LEPROT: variants seen among roughly 807,000 people sequenced by gnomAD.
The protein encoded by LEPROT is leptin receptor overlapping transcript.
LEPROT carries 3 observed loss-of-function variants against 15.4 expected under a neutral mutation model. The ratio of observed to expected loss-of-function variants is 0.19; its 90% CI spans 0.09 to 0.50. The LOEUF is 0.50. Among genes scored for constraint, LEPROT ranks in the 20% least tolerant of loss-of-function variants. The pLI is 0.97. For missense variants in LEPROT, 137 were observed against 162.2 expected (o/e 0.84, Z 0.84); for synonymous variants, 59 against 57.5 (o/e 1.03, Z -0.12).
At position 65,431,979 on chromosome 1, in the gene LEPROT, T is replaced by G; in HGVS notation, c.*60T>G. 6.5e-7 allele frequency: 1 copy of G among 1,528,728 alleles called. No individual in the cohort carries two copies. The highest frequency in any genetic ancestry group is 2.3e-5 in the East Asian group (1 of 42,806). 94.7% of individuals were successfully genotyped at this position (1,528,728 alleles called of 1,614,324 possible). ...AGAACTCATACTATCTGTATACATG[T>G]GCACATGCGGCATTTTACTATGAAA... On this transcript the variant is annotated 3_prime_UTR_variant, in exon 4 of 4. Transcript: ENST00000371065.
rs951983928 is a variant in LEPROT at position 65,433,047 on chromosome 1, A to T, written c.*1128A>T. The T allele has an allele frequency of 1.4e-5, 14 of 985,226 alleles. No individual in the cohort carries two copies. The African/African-American group carries it at 2.4e-4, about 17-fold the overall frequency. The allele number at this position is 985,226 out of a possible 1,614,324, so 61.0% of individuals were successfully genotyped here. ...ATGCTGGGGGAAGAGCTCCACTGAGATGCGGGCAGGGAGGCTGGGCTCGAG... is the reference window on the plus strand; with the variant it reads ...ATGCTGGGGGAAGAGCTCCACTGAGTTGCGGGCAGGGAGGCTGGGCTCGAG... On this transcript the variant is annotated 3_prime_UTR_variant, in exon 4 of 4. Coordinates refer to ENST00000371065, the MANE Select transcript of LEPROT (RefSeq NM_017526.5).
rs1390971943 is a variant in LEPROT, at chr1:65,435,006, C to T, written c.*3087C>T. ...GCCATTCCCATGACTGCTGCACCTG[C>T]GTTTTTAGAGAATGCCTCATAACCC... On this transcript the variant is annotated 3_prime_UTR_variant, in exon 4 of 4. Coordinates refer to ENST00000371065, the MANE Select transcript of LEPROT (RefSeq NM_017526.5). 5.2e-5 allele frequency: 51 copies of T among 985,406 alleles called. No individual in the cohort carries two copies. The East Asian group carries it at 4.7e-3, about 90-fold the overall frequency. 61.0% of individuals were successfully genotyped at this position (985,406 alleles called of 1,614,324 possible). A position where few individuals can be genotyped will look rare whatever the true frequency, so the allele number is the denominator to read the frequency against.
chr1:65,434,428 A>G lies in LEPROT; in HGVS notation c.*2509A>G. 2.0e-6 allele frequency: 2 copies of G among 985,428 alleles called. No individual in the cohort carries two copies. The highest frequency in any genetic ancestry group is 9.4e-5 in the South Asian group (2 of 21,286). 61.0% of individuals were successfully genotyped at this position (985,428 alleles called of 1,614,324 possible). A position where few individuals can be genotyped will look rare whatever the true frequency, so the allele number is the denominator to read the frequency against. Reference sequence around the variant, plus strand: ...TGGCCACAAGTAAATAATCTTATGAAGGGATTCTTTATCATGTTTCAAACA... The same window carrying G: ...TGGCCACAAGTAAATAATCTTATGAGGGGATTCTTTATCATGTTTCAAACA... On this transcript the variant is annotated 3_prime_UTR_variant, in exon 4 of 4. Coordinates refer to ENST00000371065, the MANE Select transcript of LEPROT (RefSeq NM_017526.5).
intron 2 of LEPROT, among the ~76,000 whole-genome samples, chr1:65,426,113 AG>A (rs1646358549): frequency 6.6e-6 from 1 of 152,180 alleles, no homozygotes; most frequent in East Asian, 1.9e-4. Flanking sequence ...GTGGTCAGGG[AG>A]GGCCTCTCAG....
Position 65,431,868 on chromosome 1 carries a change from G to T in LEPROT, c.345G>T (p.Gly115=). The T allele has an allele frequency of 6.2e-7, 1 of 1,614,142 alleles. No homozygotes were observed. The highest frequency in any genetic ancestry group is 1.1e-5 in the South Asian group (1 of 91,080). ...CAGTCATTTTCCTTACAATTCAAGG[G>T]TTTTTCCTTATATTTGGAAGAGGAG... The part of the protein sequence containing the change: ...GNAVIFLTIQ[G]FFLIFGRGDD... Residue 115 remains glycine (G), a synonymous_variant, in exon 4 of 4, where the codon GGG becomes GGT. Coordinates refer to ENST00000371065, the MANE Select transcript of LEPROT (RefSeq NM_017526.5).
intron 3 of LEPROT, among the ~76,000 whole-genome samples, chr1:65,431,197 T>TA (rs1378329857): frequency 2.0e-5 from 3 of 152,196 alleles, no homozygotes; most frequent in Non-Finnish European, 4.4e-5. Context: ...CTGCAGTAAA[T>TA]ATTTATATTT....
At position 65,435,366 on chromosome 1, in the gene LEPROT, CTTTTTTTTTTTTT is replaced by C. The variant is rs60757318; in HGVS notation, c.*3454_*3466del. On this transcript the variant is annotated 3_prime_UTR_variant, in exon 4 of 4. Transcript: ENST00000371065. ...TGTCACAAAATGTGCCTTTTCTTTT[CTTTTTTTTTTTTT>C]TTTTTTGAGGCAGAGTCTCGCTCTG... 8.0e-6 allele frequency: 5 copies of C among 628,802 alleles called. No individual in the cohort carries two copies. The highest frequency in any genetic ancestry group is 8.3e-5 in the Admixed American group (1 of 12,040). The allele number at this position is 628,802 out of a possible 1,614,324, so 39.0% of individuals were successfully genotyped here.
At position 65,435,294 on chromosome 1, in the gene LEPROT, A is replaced by G; in HGVS notation, c.*3375A>G. 2 of 984,724 alleles carry G rather than the reference A, an allele frequency of 2.0e-6. No individual in the cohort carries two copies. Among genetic ancestry groups the G allele is most frequent in the Non-Finnish European group, 1.2e-6 (1 of 829,666 alleles). 61.0% of individuals were successfully genotyped at this position (984,724 alleles called of 1,614,324 possible). A position where few individuals can be genotyped will look rare whatever the true frequency, so the allele number is the denominator to read the frequency against. On this transcript the variant is annotated 3_prime_UTR_variant, in exon 4 of 4. Coordinates refer to ENST00000371065, the MANE Select transcript of LEPROT (RefSeq NM_017526.5). Reference sequence around the variant, plus strand: ...ACTGTTTTCAAGGCTGAAATAGTTCATTATGTTAATAACCTTCTTTATGTT... The same window carrying G: ...ACTGTTTTCAAGGCTGAAATAGTTCGTTATGTTAATAACCTTCTTTATGTT...
Position 65,420,850 on chromosome 1 carries a change from C to A in LEPROT, c.16+110C>A, listed in dbSNP as rs1300668534. ...GCCGTTGGGGAACGGCCTCACCACCCTTCCCGCCTCTCCGGTTCGGGAGGC... is the reference window on the plus strand; with the variant it reads ...GCCGTTGGGGAACGGCCTCACCACCATTCCCGCCTCTCCGGTTCGGGAGGC... On this transcript the variant is annotated intron_variant, in intron 1 of 3. Transcript: ENST00000371065. The A allele has an allele frequency of 4.6e-6, 6 of 1,307,482 alleles. No homozygotes were observed. The African/African-American group carries it at 9.0e-5, about 20-fold the overall frequency. The allele number at this position is 1,307,482 out of a possible 1,614,324, so 81.0% of individuals were successfully genotyped here. A position where few individuals can be genotyped will look rare whatever the true frequency, so the allele number is the denominator to read the frequency against.
intron 2 of LEPROT, among the ~76,000 whole-genome samples, chr1:65,428,855 G>A (rs1374799538): frequency 1.3e-5 from 2 of 151,976 alleles, no homozygotes; most frequent in Non-Finnish European, 2.9e-5. Context: ...ATTGCAAAAT[G>A]TTGAAATTTG....
Position 65,435,280 on chromosome 1 carries a change from G to T in LEPROT, c.*3361G>T. On this transcript the variant is annotated 3_prime_UTR_variant, in exon 4 of 4. Coordinates refer to ENST00000371065, the MANE Select transcript of LEPROT (RefSeq NM_017526.5). Reference sequence around the variant, plus strand: ...TCTCCTCAATGAATACTGTTTTCAAGGCTGAAATAGTTCATTATGTTAATA... The same window carrying T: ...TCTCCTCAATGAATACTGTTTTCAATGCTGAAATAGTTCATTATGTTAATA... The T allele has an allele frequency of 1.0e-6, 1 of 984,964 alleles. No homozygotes were observed. Among genetic ancestry groups the T allele is most frequent in the Non-Finnish European group, 1.2e-6 (1 of 829,610 alleles). The allele number at this position is 984,964 out of a possible 1,614,324, so 61.0% of individuals were successfully genotyped here. A position where few individuals can be genotyped will look rare whatever the true frequency, so the allele number is the denominator to read the frequency against.
intron 2 of LEPROT, among the ~76,000 whole-genome samples, chr1:65,426,420 T>G (rs1014358016): frequency 1.3e-5 from 2 of 151,974 alleles, no homozygotes; most frequent in East Asian, 3.9e-4. Context: ...TGGGAAAATA[T>G]CTTGAGAATG....
At chr1:65,421,008 C>A (rs1646237154) in intron 1 of LEPROT, among the ~76,000 whole-genome samples, 1 of 152,170 alleles carries the variant, frequency 6.6e-6, no homozygotes, top group East Asian at 1.9e-4. Flanking sequence ...CCTGAGCCCT[C>A]GGCGAGAGCG....
intron 1 of LEPROT, among the ~76,000 whole-genome samples, chr1:65,424,418 AG>A (rs1489390917): frequency 1.3e-5 from 2 of 152,164 alleles, no homozygotes; most frequent in African/African-American, 4.8e-5. Flanking sequence ...TTGCCTTGGG[AG>A]GTAGTGAGTT....
At chr1:65,420,806 G>C in intron 1 of LEPROT, 66 bp downstream of exon 1, 1 of 1,537,110 alleles carries the variant, frequency 6.5e-7, no homozygotes, top group South Asian at 1.2e-5. Context: ...GGTCAAGCCT[G>C]GGGCTGCGCC....
Position 65,432,184 on chromosome 1 carries a change from A to G in LEPROT, c.*265A>G. 9.0e-7 allele frequency: 1 copy of G among 1,116,356 alleles called. No individual in the cohort carries two copies. Among genetic ancestry groups the G allele is most frequent in the Non-Finnish European group, 1.1e-6 (1 of 911,146 alleles). The allele number at this position is 1,116,356 out of a possible 1,614,324, so 69.2% of individuals were successfully genotyped here. ...CACGGTGCTCTCAGAAAATATATTA[A>G]CGCAGTCTTGTAGGCAGCTGCCACC... On this transcript the variant is annotated 3_prime_UTR_variant, in exon 4 of 4. Transcript: ENST00000371065.
In LEPROT at chr1:65,434,434, T is replaced by G. The variant is rs1646530893; in HGVS notation, c.*2515T>G. 1.0e-6 allele frequency: 1 copy of G among 985,258 alleles called. No homozygotes were observed. The highest frequency in any genetic ancestry group is 6.1e-5 in the Admixed American group (1 of 16,262). 61.0% of individuals were successfully genotyped at this position (985,258 alleles called of 1,614,324 possible). On this transcript the variant is annotated 3_prime_UTR_variant, in exon 4 of 4. Transcript: ENST00000371065. ...CAAGTAAATAATCTTATGAAGGGAT[T>G]CTTTATCATGTTTCAAACAAGTGGG...
At chr1:65,430,520 G>GAC (rs1646465793) in intron 3 of LEPROT, among the ~76,000 whole-genome samples, 2 of 152,108 alleles carry the variant, frequency 1.3e-5, no homozygotes, top group African/African-American at 2.4e-5. Flanking sequence ...TCACTTCCAA[G>GAC]ACAAAAACTT....
Position 65,433,329 on chromosome 1 carries a change from T to C in LEPROT, c.*1410T>C, listed in dbSNP as rs1248208193. 2 of 985,450 alleles carry C rather than the reference T, an allele frequency of 2.0e-6. No homozygotes were observed. The highest frequency in any genetic ancestry group is 2.4e-6 in the Non-Finnish European group (2 of 829,932). The allele number at this position is 985,450 out of a possible 1,614,324, so 61.0% of individuals were successfully genotyped here. A position where few individuals can be genotyped will look rare whatever the true frequency, so the allele number is the denominator to read the frequency against. The stretch of plus-strand genomic sequence containing the variant: ...TCTTCCGTCCTGTAGGTCTTTTCTA[T>C]ATAACTTTATGCCACCCTTAAATGA... On this transcript the variant is annotated 3_prime_UTR_variant, in exon 4 of 4. Transcript: ENST00000371065.
Sources: gnomAD v4.1 joint callset for allele counts (sites outside exome capture counted in the v4.1 genomes callset) on GRCh38, gnomAD v4.1.1 for gene constraint, MANE v1.5 for transcripts, NCBI Gene and HGNC (gene_info 2026-07-23, HGNC 2026-07-21) for gene names.